SHISA6: variants seen among roughly 807,000 people sequenced by gnomAD.
SHISA6 encodes shisa family member 6.
A neutral mutation model predicts 47.9 loss-of-function variants in SHISA6; 22 were observed. That is an observed-to-expected ratio of 0.46 (90% CI 0.33 to 0.66). SHISA6 has a LOEUF of 0.66. Among genes scored for constraint, SHISA6 ranks in the 30% least tolerant of loss-of-function variants. The pLI is 0.02. For synonymous variants in SHISA6, 388 were observed against 337.8 expected (o/e 1.15, Z -1.63); for missense variants, 680 against 764.6 (o/e 0.89, Z 1.30).
At chr17:11,378,556 C>A (rs1273229764) in intron 2 of SHISA6, among the ~76,000 whole-genome samples, 1 of 152,200 alleles carries the variant, frequency 6.6e-6, no homozygotes, top group African/African-American at 2.4e-5. Context: ...TTTAGGGAGG[C>A]CTTTCTTTTT....
intron 1 of SHISA6, among the ~76,000 whole-genome samples, chr17:11,250,280 A>G (rs1208784248): frequency 2.0e-5 from 3 of 152,152 alleles, no homozygotes; most frequent in Middle Eastern, 3.2e-3. Context: ...CCTTCTTTCT[A>G]TCCCAGGGCT....
intron 3 of SHISA6, among the ~76,000 whole-genome samples, chr17:11,396,558 C>G (rs777860054): frequency 1.3e-5 from 2 of 152,170 alleles, no homozygotes; most frequent in South Asian, 4.1e-4. Context: ...CTTGAGGAAT[C>G]GCCACACTGT....
intron 2 of SHISA6, among the ~76,000 whole-genome samples, chr17:11,358,929 G>A (rs1912169768): frequency 6.6e-6 from 1 of 152,130 alleles, no homozygotes; most frequent in African/African-American, 2.4e-5. Flanking sequence ...CAAAGTGTTG[G>A]GATTACAGGG....
intron 3 of SHISA6, among the ~76,000 whole-genome samples, chr17:11,501,358 C>T (rs897053996): frequency 7.9e-5 from 12 of 151,988 alleles, no homozygotes; most frequent in Non-Finnish European, 1.8e-4. Context: ...GTGATCCACC[C>T]GCCTCAGCCT....
intron 1 of SHISA6, among the ~76,000 whole-genome samples, chr17:11,246,373 C>T (rs2041242): frequency 0.78 from 118,232 of 152,042 alleles, 49,260 homozygotes; most frequent in South Asian, 0.92. Context: ...GCCTGTAGTC[C>T]CAGCTACTCG....
chr17:11,452,389 T>G (rs1915424100), intron 3 of SHISA6, among the ~76,000 whole-genome samples: 1 of 152,154 alleles, frequency 6.6e-6, no homozygotes, highest in Admixed American at 6.5e-5. Context: ...TCCTGTTTCC[T>G]CTCTTTAATG....
Position 11,315,548 on chromosome 17 carries a change from A to C in SHISA6, c.799+52022A>C, listed in dbSNP as rs185613915. Among the ~76,000 whole-genome samples, 339 of 152,358 alleles carry C rather than the reference A, an allele frequency of 2.2e-3. 1 individual carries two copies. Among genetic ancestry groups the C allele is most frequent in the African/African-American group, 7.7e-3 (322 of 41,592 alleles). On this transcript the variant is annotated intron_variant, in intron 2 of 5. Transcript: ENST00000441885. The stretch of plus-strand genomic sequence containing the variant: ...TTAGTTAATCTTTACAGGTTACAAA[A>C]AAATGGCTTTTTACTAAAAAGTGAC...
At chr17:11,383,254 A>T (rs1173038061) in intron 3 of SHISA6, among the ~76,000 whole-genome samples, 2 of 152,016 alleles carry the variant, frequency 1.3e-5, no homozygotes, top group Non-Finnish European at 2.9e-5. Context: ...GCCCTTTTTT[A>T]TAGGCTCTAG....
chr17:11,465,367 A>C (rs1361759938), intron 3 of SHISA6, among the ~76,000 whole-genome samples: 1 of 152,140 alleles, frequency 6.6e-6, no homozygotes, highest in Non-Finnish European at 1.5e-5. Flanking sequence ...CCTATGTCCT[A>C]TACTAGATTA....
intron 2 of SHISA6, among the ~76,000 whole-genome samples, chr17:11,285,837 CTTTTTTT>C (rs111973369): frequency 1.4e-5 from 2 of 140,756 alleles, no homozygotes; most frequent in Non-Finnish European, 3.1e-5. Flanking sequence ...CTCTCTCTCT[CTTTTTTT>C]TTTTTTTTTT....
chr17:11,502,408 CAAAAAA>C (rs33980148), intron 3 of SHISA6, among the ~76,000 whole-genome samples: 2 of 34,058 alleles, frequency 5.9e-5, no homozygotes, highest in Non-Finnish European at 9.9e-5. Flanking sequence ...GACTCCGTCT[CAAAAAA>C]AAAAAAAAAA....
At chr17:11,301,412 C>T (rs1909925878) in intron 2 of SHISA6, among the ~76,000 whole-genome samples, 1 of 152,106 alleles carries the variant, frequency 6.6e-6, no homozygotes, top group East Asian at 1.9e-4. Flanking sequence ...TTTGGGGGCT[C>T]CGGGCTTTGC....
chr17:11,361,608 C>G (rs1389624861), intron 2 of SHISA6, among the ~76,000 whole-genome samples: 1 of 152,190 alleles, frequency 6.6e-6, no homozygotes, highest in African/African-American at 2.4e-5. Flanking sequence ...GTTTTGCTTA[C>G]CCAGTTGATG....
chr17:11,488,917 G>A (rs969455508), intron 3 of SHISA6, among the ~76,000 whole-genome samples: 4 of 152,194 alleles, frequency 2.6e-5, no homozygotes, highest in Non-Finnish European at 5.9e-5. Flanking sequence ...TATGCCCAGG[G>A]GATAAAATGG....
chr17:11,413,642 G>A (rs1914199505), intron 3 of SHISA6, among the ~76,000 whole-genome samples: 2 of 152,184 alleles, frequency 1.3e-5, no homozygotes, highest in East Asian at 1.9e-4. Flanking sequence ...TCTGTGAATG[G>A]GGCACCAGGA....
intron 2 of SHISA6, among the ~76,000 whole-genome samples, chr17:11,310,431 G>A (rs1160950873): frequency 2.0e-5 from 3 of 152,152 alleles, no homozygotes; most frequent in African/African-American, 7.2e-5. Context: ...CAGGGTGGTC[G>A]AGAATGACAA....
chr17:11,386,705 C>CGG (rs896897750), intron 3 of SHISA6, among the ~76,000 whole-genome samples: 2 of 152,088 alleles, frequency 1.3e-5, no homozygotes, highest in Admixed American at 1.3e-4. Flanking sequence ...ACAGCTCAGG[C>CGG]GGGGCGCTGG....
intron 2 of SHISA6, among the ~76,000 whole-genome samples, chr17:11,298,595 G>T (rs577936976): frequency 4.5e-4 from 68 of 152,348 alleles, no homozygotes; most frequent in African/African-American, 1.5e-3. Flanking sequence ...CAGTGAGAAA[G>T]CAGTGGGGTC....
chr17:11,413,248 C>T (rs867552590), intron 3 of SHISA6, among the ~76,000 whole-genome samples: 4 of 152,162 alleles, frequency 2.6e-5, no homozygotes, highest in Admixed American at 6.5e-5. Context: ...TTCGATGATA[C>T]GTCATTTCGT....
Sources: allele counts gnomAD v4.1 joint callset (sites outside exome capture counted in the v4.1 genomes callset), GRCh38; gene constraint gnomAD v4.1.1; transcripts MANE v1.5; gene names NCBI Gene and HGNC (gene_info 2026-07-23, HGNC 2026-07-21).